The following CWH43 variants were observed in gnomAD, a reference collection of about 807,000 sequenced individuals.
CWH43 encodes cell wall biogenesis 43 C-terminal homolog, also known as PGAP2-interacting protein.
CWH43 carries 91 observed loss-of-function variants against 85.7 expected under a neutral mutation model. The ratio of observed to expected loss-of-function variants is 1.06; its 90% CI spans 0.90 to 1.26. The LOEUF (loss-of-function observed/expected upper bound fraction) is 1.26, where lower values mean the gene tolerates loss of function less well. Ranked by LOEUF, CWH43 falls within the 50% of genes most tolerant of loss-of-function variation. The probability of loss-of-function intolerance (pLI) is 0.00; values close to 1 mark genes in which losing one functional copy is unlikely to be tolerated. For missense variants in CWH43, 869 were observed against 839.2 expected (o/e 1.04, Z -0.44); for synonymous variants, 323 against 293.6 (o/e 1.10, Z -1.02).
intron 13 of CWH43, among the ~76,000 whole-genome samples, chr4:49,038,515 CTACT>C (rs1784334099): frequency 6.6e-6 from 1 of 152,156 alleles, no homozygotes; most frequent in South Asian, 2.1e-4. Flanking sequence ...TCGCCATGGG[CTACT>C]TAGGCTTCCT....
intron 7 of CWH43, among the ~76,000 whole-genome samples, chr4:49,006,836 C>G (rs561656150): frequency 2.0e-5 from 3 of 152,130 alleles, no homozygotes; most frequent in Non-Finnish European, 2.9e-5. Flanking sequence ...ACCTGGTGCA[C>G]GGAAGGGCTC....
At chr4:49,015,959 A>T (rs561707135) in intron 8 of CWH43, among the ~76,000 whole-genome samples, 5 of 152,132 alleles carry the variant, frequency 3.3e-5, no homozygotes, top group African/African-American at 1.2e-4. Context: ...CTTGTTTTAT[A>T]TTCTGATTCA....
chr4:49,047,152 T>G (rs547141742), intron 14 of CWH43, among the ~76,000 whole-genome samples: 2 of 152,358 alleles, frequency 1.3e-5, no homozygotes, highest in South Asian at 4.1e-4. Flanking sequence ...AGAAAATGGT[T>G]GCTTTCTGGG....
At chr4:49,017,036 A>T (rs760668834) in intron 8 of CWH43, 2 of 756,498 alleles carry the variant, frequency 2.6e-6, no homozygotes, top group Non-Finnish European at 2.5e-6. Context: ...GGGGAGAGCA[A>T]ACCACCTCAG....
intron 1 of CWH43, among the ~76,000 whole-genome samples, chr4:48,987,035 C>T (rs750168807): frequency 1.7e-3 from 253 of 152,214 alleles, no homozygotes; most frequent in Non-Finnish European, 2.2e-3. Context: ...TGCAAAATCC[C>T]GAGGACAATT....
chr4:49,022,642 T>C (rs1577681713), intron 9 of CWH43, among the ~76,000 whole-genome samples: 1 of 152,212 alleles, frequency 6.6e-6, no homozygotes, highest in Admixed American at 6.5e-5. Context: ...CTTCTTTGAA[T>C]GTCTGATAGA....
chr4:49,015,202 T>C (rs2109780501), intron 8 of CWH43, among the ~76,000 whole-genome samples: 1 of 152,256 alleles, frequency 6.6e-6, no homozygotes, highest in African/African-American at 2.4e-5. Context: ...TTTTTCATTT[T>C]CCACTTTTTC....
chr4:49,003,663 T>A, intron 6 of CWH43, 72 bp from the exon 7 acceptor site: 2 of 1,518,830 alleles, frequency 1.3e-6, no homozygotes, highest in Non-Finnish European at 1.8e-6. Context: ...GTTCTGGTCC[T>A]AAAGGCTATA....
At chr4:49,046,270 A>G (rs1242676195) in intron 14 of CWH43, among the ~76,000 whole-genome samples, 1 of 152,084 alleles carries the variant, frequency 6.6e-6, no homozygotes, top group Non-Finnish European at 1.5e-5. Context: ...TGTATCAATA[A>G]AGCAAGGAAC....
rs201407409 is a variant in CWH43 at position 49,050,718 on chromosome 4, T to C, written c.1890T>C (p.His630=). Reference sequence around the variant, plus strand: ...GGTTGGGTTATGCAAGAATCTCCCATGCTGAACTGAGTGATTCAGAAATTC... The same window carrying C: ...GGTTGGGTTATGCAAGAATCTCCCACGCTGAACTGAGTGATTCAGAAATTC... ...LIRLGYARIS[H]AELSDSEIQM... is the part of the protein sequence containing the mutation. Residue 630 remains histidine, a synonymous_variant, in exon 15 of 16, where the codon CAT becomes CAC. Transcript: ENST00000226432. The C allele has an allele frequency of 1.2e-6, 2 of 1,613,366 alleles. No individual in the cohort carries two copies. The highest frequency in any genetic ancestry group is 1.7e-5 in the Admixed American group (1 of 59,982).
chr4:49,012,074 A>G lies in CWH43; in HGVS notation c.1186+4748A>G, dbSNP rs1451002256. On this transcript the variant is annotated intron_variant, in intron 8 of 15. Transcript: ENST00000226432. ...ATAATATCCTGAAGAGTGTTTTCCA[A>G]CTTGGTTCCATTCTCCCCGTCACTT... Among the ~76,000 whole-genome samples, 6 of 152,118 alleles carry G rather than the reference A, an allele frequency of 3.9e-5. No individual in the cohort carries two copies. The East Asian group carries it at 1.2e-3, about 29-fold the overall frequency.
At chr4:49,060,925 T>A (rs1160690094) in intron 15 of CWH43, among the ~76,000 whole-genome samples, 1 of 152,220 alleles carries the variant, frequency 6.6e-6, no homozygotes, top group African/African-American at 2.4e-5. Flanking sequence ...TGTGTGTTTT[T>A]GTTCTATTTG....
At chr4:48,997,506 T>C (rs1782851181) in intron 5 of CWH43, among the ~76,000 whole-genome samples, 1 of 152,128 alleles carries the variant, frequency 6.6e-6, no homozygotes, top group African/African-American at 2.4e-5. Context: ...AAATATTTGT[T>C]GTTGATTTGG....
chr4:49,025,011 C>T (rs1208428023), intron 9 of CWH43, among the ~76,000 whole-genome samples: 2 of 151,900 alleles, frequency 1.3e-5, no homozygotes, highest in Non-Finnish European at 2.9e-5. Context: ...GGTCATTTAA[C>T]ATAATCCTGA....
intron 8 of CWH43, among the ~76,000 whole-genome samples, chr4:49,010,198 G>C (rs1783308044): frequency 6.6e-6 from 1 of 152,108 alleles, no homozygotes; most frequent in East Asian, 1.9e-4. Flanking sequence ...TCCTAGTTTA[G>C]TCTTGGGAGG....
In CWH43 at chr4:48,998,466, A is replaced by G. The variant is rs1285512925; in HGVS notation, c.720A>G (p.Ala240=). The G allele has an allele frequency of 6.2e-7, 1 of 1,612,772 alleles. No individual in the cohort carries two copies. The highest frequency in any genetic ancestry group is 1.1e-5 in the South Asian group (1 of 91,050). ...AGCATGTCCTTTTTCACAGAGGTGC[A>G]GTACTGCTGTGCTTGGCAAGTGGAT... The part of the protein sequence containing the change: ...PGPDPNPFGG[A]VLLCLASGLM... The change falls in exon 6 of 16, where the codon GCA becomes GCG. Residue 240 remains alanine (A), a synonymous_variant. Transcript: ENST00000226432.
At chr4:49,004,809 C>A (rs1379776485) in intron 7 of CWH43, among the ~76,000 whole-genome samples, 1 of 151,856 alleles carries the variant, frequency 6.6e-6, no homozygotes, top group Non-Finnish European at 1.5e-5. Context: ...ATTTGCATAC[C>A]AAAATTATAA....
chr4:48,995,460 T>C (rs1012308861), intron 5 of CWH43, among the ~76,000 whole-genome samples: 2 of 152,178 alleles, frequency 1.3e-5, no homozygotes, highest in African/African-American at 4.8e-5. Context: ...TGCAAAAAAA[T>C]TGGAGGAATT....
At chr4:49,010,716 C>T (rs1783330139) in intron 8 of CWH43, among the ~76,000 whole-genome samples, 1 of 152,136 alleles carries the variant, frequency 6.6e-6, no homozygotes, top group African/African-American at 2.4e-5. Flanking sequence ...TTTATTTCTG[C>T]CTTCATTTCA....
Sources: allele counts gnomAD v4.1 joint callset (sites outside exome capture counted in the v4.1 genomes callset), GRCh38; gene constraint gnomAD v4.1.1; transcripts MANE v1.5; gene names NCBI Gene and HGNC (gene_info 2026-07-23, HGNC 2026-07-21).